TSPO: variants seen among roughly 807,000 people sequenced by gnomAD.
The protein encoded by TSPO is translocator protein.
A neutral mutation model predicts 13.9 loss-of-function variants in TSPO; 14 were observed. The ratio of observed to expected loss-of-function variants is 1.01; its 90% CI spans 0.67 to 1.58. The LOEUF is 1.58. Ranked by LOEUF, TSPO falls within the 40% of genes most tolerant of loss-of-function variation. The pLI is 0.00. For synonymous variants in TSPO, 114 were observed against 105.9 expected (o/e 1.08, Z -0.47); for missense variants, 232 against 229.6 (o/e 1.01, Z -0.07).
chr22:43,162,834 C>A lies in TSPO; in HGVS notation c.353C>A (p.Ala118Glu). ...GTGGATCTCCTGCTGGTCAGTGGGG[C>A]GGCGGCAGCCACTACCGTGGCCTGG... ...ALVDLLLVSG[A>E]AAATTVAWYQ... The change falls in exon 4 of 4, where the codon GCG (alanine) becomes GAG (glutamate). Residue 118 changes from alanine to glutamate, a missense_variant. Ala to Glu is a moderately radical substitution (Grantham distance 107). Transcript: ENST00000337554. 6.3e-7 allele frequency: 1 copy of A among 1,583,634 alleles called. No individual in the cohort carries two copies. The highest frequency in any genetic ancestry group is 8.6e-7 in the Non-Finnish European group (1 of 1,166,212).
chr22:43,155,050 C>T (rs939136313), intron 1 of TSPO, among the ~76,000 whole-genome samples: 10 of 148,740 alleles, frequency 6.7e-5, no homozygotes, highest in Admixed American at 4.0e-4. Context: ...CTGAGACGGG[C>T]GGTGACACAA....
In TSPO at chr22:43,162,966, G is replaced by T; in HGVS notation, c.485G>T (p.Arg162Leu). ...GTATGGCGGGACAACCATGGCTGGCGTGGGGGACGGCGGCTGCCAGAGTGA... is the reference window on the plus strand; with the variant it reads ...GTATGGCGGGACAACCATGGCTGGCTTGGGGGACGGCGGCTGCCAGAGTGA... ...YCVWRDNHGW[R>L]GGRRLPE The change falls in exon 4 of 4, where the codon CGT becomes CTT. Residue 162 changes from arginine (R) to leucine (L), a missense_variant. By Grantham distance (102) the Arg-to-Leu change is moderately radical (BLOSUM62 -2). Transcript: ENST00000337554. 6.3e-7 allele frequency: 1 copy of T among 1,587,824 alleles called. No homozygotes were observed. The highest frequency in any genetic ancestry group is 8.6e-7 in the Non-Finnish European group (1 of 1,167,920).
chr22:43,159,863 C>T (rs1425230489), intron 2 of TSPO, among the ~76,000 whole-genome samples: 2 of 152,144 alleles, frequency 1.3e-5, no homozygotes, highest in Non-Finnish European at 2.9e-5. Flanking sequence ...GTGTGGACCC[C>T]CCACAGCCCC....
chr22:43,157,302 A>T (rs1263445162), intron 1 of TSPO, among the ~76,000 whole-genome samples: 1 of 59,380 alleles, frequency 1.7e-5, no homozygotes, highest in South Asian at 6.0e-4. Context: ...GCGGGGCAGG[A>T]GGGAGGGGCG....
intron 1 of TSPO, chr22:43,152,179 C>T (rs9333316): frequency 6.6e-6 from 1 of 152,354 alleles, no homozygotes; most frequent in African/African-American, 2.4e-5. Flanking sequence ...CCTCTGGGAC[C>T]TGTCTGCTTC....
chr22:43,156,557 GA>G (rs1402185658), intron 1 of TSPO, among the ~76,000 whole-genome samples: 1 of 152,046 alleles, frequency 6.6e-6, no homozygotes, highest in Non-Finnish European at 1.5e-5. Flanking sequence ...AGGGGGAGGG[GA>G]ACCACTGCTG....
At chr22:43,158,621 CT>C (rs1268594550) in intron 1 of TSPO, among the ~76,000 whole-genome samples, 1 of 152,078 alleles carries the variant, frequency 6.6e-6, no homozygotes, top group African/African-American at 2.4e-5. Flanking sequence ...GTGTGGGGTG[CT>C]GAAACAGCTG....
At chr22:43,160,182 C>A (rs1931390732) in intron 2 of TSPO, among the ~76,000 whole-genome samples, 1 of 152,270 alleles carries the variant, frequency 6.6e-6, no homozygotes, top group African/African-American at 2.4e-5. Context: ...CTGGCCCAGG[C>A]CCTGCCCAGC....
At chr22:43,155,328 C>T (rs1291004790) in intron 1 of TSPO, among the ~76,000 whole-genome samples, 5 of 152,182 alleles carry the variant, frequency 3.3e-5, no homozygotes, top group South Asian at 2.1e-4. Flanking sequence ...GACTCCACCA[C>T]GCAGGCCCCT....
chr22:43,158,332 C>G (rs1931319959), intron 1 of TSPO, among the ~76,000 whole-genome samples: 2 of 152,086 alleles, frequency 1.3e-5, no homozygotes, highest in African/African-American at 4.8e-5. Context: ...CAGCCCTGTG[C>G]CCCCCTGGGT....
chr22:43,153,099 T>TCCCACCC (rs1170926340), intron 1 of TSPO, among the ~76,000 whole-genome samples: 1 of 58,960 alleles, frequency 1.7e-5, no homozygotes, highest in Non-Finnish European at 3.0e-5. Flanking sequence ...CTTCCTTCCT[T>TCCCACCC]CTTTCCTTTC....
chr22:43,159,034 G>A (rs995237688), intron 1 of TSPO, among the ~76,000 whole-genome samples, 176 bp from the exon 2 acceptor site: 1 of 152,162 alleles, frequency 6.6e-6, no homozygotes, highest in African/African-American at 2.4e-5. Context: ...AGCTGGGGCA[G>A]GAGCAAGGCT....
intron 1 of TSPO, among the ~76,000 whole-genome samples, chr22:43,155,745 C>T (rs754728465): frequency 6.6e-6 from 1 of 152,116 alleles, no homozygotes; most frequent in Non-Finnish European, 1.5e-5. Flanking sequence ...GAGGCAGAGC[C>T]GAGGTCTGGA....
At chr22:43,154,482 C>T (rs1931189594) in intron 1 of TSPO, among the ~76,000 whole-genome samples, 2 of 152,084 alleles carry the variant, frequency 1.3e-5, no homozygotes, top group South Asian at 4.1e-4. Context: ...CCTTAGCCTT[C>T]TGAGTAGCTG....
At chr22:43,151,845 G>A (rs1931080823) in intron 1 of TSPO, 1 of 152,374 alleles carries the variant, frequency 6.6e-6, no homozygotes, top group Admixed American at 6.5e-5. Flanking sequence ...GGTTCGGGAG[G>A]GAAAACTTGG....
intron 2 of TSPO, among the ~76,000 whole-genome samples, chr22:43,160,667 C>A (rs189274237): frequency 2.0e-5 from 3 of 152,298 alleles, no homozygotes; most frequent in Non-Finnish European, 4.4e-5. Context: ...TGTCCTGTTT[C>A]CTCCCCTGGA....
At chr22:43,156,548 G>C (rs548429736) in intron 1 of TSPO, among the ~76,000 whole-genome samples, 4 of 152,048 alleles carry the variant, frequency 2.6e-5, no homozygotes, top group Admixed American at 2.0e-4. Context: ...GTGGGAGGGA[G>C]GGGGAGGGGA....
At chr22:43,161,726 T>G (rs1180226481) in intron 3 of TSPO, among the ~76,000 whole-genome samples, 2 of 152,102 alleles carry the variant, frequency 1.3e-5, no homozygotes, top group East Asian at 3.9e-4. Context: ...GGTCTTGAAC[T>G]CCTGACCTCA....
chr22:43,155,052 G>A (rs1224654198), intron 1 of TSPO, among the ~76,000 whole-genome samples: 2 of 152,070 alleles, frequency 1.3e-5, no homozygotes, highest in African/African-American at 4.8e-5. Context: ...GAGACGGGCG[G>A]TGACACAACT....
Sources: allele counts gnomAD v4.1 joint callset (sites outside exome capture counted in the v4.1 genomes callset), GRCh38; gene constraint gnomAD v4.1.1; transcripts MANE v1.5; gene names NCBI Gene and HGNC (gene_info 2026-07-23, HGNC 2026-07-21).